SNX13: variants seen among roughly 807,000 people sequenced by gnomAD.
SNX13 encodes the protein sorting nexin 13.
A neutral mutation model predicts 133.6 loss-of-function variants in SNX13; 45 were observed. The ratio of observed to expected loss-of-function variants is 0.34; its 90% CI spans 0.27 to 0.43. The LOEUF (loss-of-function observed/expected upper bound fraction) is 0.43. SNX13 is among the 20% of genes least tolerant of loss of function. The pLI is 1.00. For synonymous variants in SNX13, 414 were observed against 373.9 expected (o/e 1.11, Z -1.24); for missense variants, 1,032 against 1,145.1 (o/e 0.90, Z 1.43).
At chr7:17,869,776 T>C (rs1203229179) in intron 8 of SNX13, among the ~76,000 whole-genome samples, 8 of 152,142 alleles carry the variant, frequency 5.3e-5, no homozygotes, top group Admixed American at 5.2e-4. Flanking sequence ...TTCTTCAAAA[T>C]TGTATTTACG....
chr7:17,796,978 AT>A lies in SNX13; in HGVS notation c.2514-40del, dbSNP rs781717399. On this transcript the variant is annotated intron_variant, in intron 24 of 25. Transcript: ENST00000428135. ...TTAAATACATTTTGTAAACATTTTC[AT>A]TTTCTAATGATACAAGTTGATAAAA... The A allele has an allele frequency of 4.4e-6, 6 of 1,369,806 alleles. No individual in the cohort carries two copies. The South Asian group carries it at 7.1e-5, about 16-fold the overall frequency. The allele number at this position is 1,369,806 out of a possible 1,614,324, so 84.9% of individuals were successfully genotyped here.
intron 5 of SNX13, among the ~76,000 whole-genome samples, chr7:17,883,477 C>A (rs1267505822): frequency 6.6e-6 from 1 of 152,124 alleles, no homozygotes; most frequent in Non-Finnish European, 1.5e-5. Context: ...AACATCTGGA[C>A]ATTTCTTCTA....
chr7:17,919,719 A>G lies in SNX13; in HGVS notation c.12+20565T>C, dbSNP rs1167333984. Among the ~76,000 whole-genome samples the G allele has an allele frequency of 2.0e-5, 3 of 152,234 alleles. No individual in the cohort carries two copies. The East Asian group carries it at 5.8e-4, about 29-fold the overall frequency. On this transcript the variant is annotated intron_variant, in intron 1 of 25. Transcript: ENST00000428135. The stretch of plus-strand genomic sequence containing the variant: ...AATGAAAGCAACTCAGGAGGAGGAA[A>G]GCGAAACAAGCATCATTTAACGTAA...
chr7:17,850,443 C>A lies in SNX13; in HGVS notation c.977-8G>T. 6.7e-7 allele frequency: 1 copy of A among 1,491,450 alleles called. No individual in the cohort carries two copies. Among genetic ancestry groups the A allele is most frequent in the South Asian group, 1.3e-5 (1 of 78,066 alleles). The allele number at this position is 1,491,450 out of a possible 1,614,324, so 92.4% of individuals were successfully genotyped here. On this transcript the variant is annotated splice_polypyrimidine_tract_variant and splice_region_variant and intron_variant, in intron 10 of 25. Transcript: ENST00000428135. The stretch of plus-strand genomic sequence containing the variant: ...TTTTGATAGTGTTGATATCTAAAAG[C>A]AAAGAAATCATGAACTAGAAAGTGG...
At chr7:17,878,553 T>TC (rs1444471164) in intron 5 of SNX13, among the ~76,000 whole-genome samples, 2 of 152,184 alleles carry the variant, frequency 1.3e-5, no homozygotes, top group Non-Finnish European at 2.9e-5. Flanking sequence ...TTGCATGCCT[T>TC]CATCTCTGTC....
intron 1 of SNX13, among the ~76,000 whole-genome samples, chr7:17,925,984 T>C (rs995372264): frequency 3.3e-5 from 5 of 152,220 alleles, no homozygotes; most frequent in African/African-American, 4.8e-5. Flanking sequence ...AACAATAATG[T>C]TGTGGTTATA....
intron 20 of SNX13, 50 bp downstream of exon 20, chr7:17,814,780 AAAGT>A: frequency 7.4e-7 from 1 of 1,344,450 alleles, no homozygotes; most frequent in Non-Finnish European, 9.9e-7. Context: ...TATTACAAAC[AAAGT>A]AAGAAAACAG....
At chr7:17,898,724 G>A (rs1162744856) in intron 1 of SNX13, 1 of 152,116 alleles carries the variant, frequency 6.6e-6, no homozygotes, top group East Asian at 1.9e-4. Context: ...AACTCTAAAT[G>A]ATTAGATGAC....
chr7:17,850,770 T>G, intron 10 of SNX13, 56 bp downstream of exon 10: 1 of 1,336,058 alleles, frequency 7.5e-7, no homozygotes, highest in South Asian at 1.6e-5. Flanking sequence ...AATCAAAGTT[T>G]TGAAGATAAA....
chr7:17,921,321 T>A (rs2128036177), intron 1 of SNX13, among the ~76,000 whole-genome samples: 1 of 152,290 alleles, frequency 6.6e-6, no homozygotes, highest in African/African-American at 2.4e-5. Flanking sequence ...TACATTCAGT[T>A]ATCGATTCTC....
intron 1 of SNX13, among the ~76,000 whole-genome samples, chr7:17,922,712 G>A (rs1269824736): frequency 6.6e-6 from 1 of 152,006 alleles, no homozygotes; most frequent in African/African-American, 2.4e-5. Flanking sequence ...AGAAAGAAAG[G>A]GAGAAGATTT....
intron 9 of SNX13, among the ~76,000 whole-genome samples, chr7:17,865,316 G>T (rs545610559): frequency 2.0e-5 from 3 of 151,900 alleles, no homozygotes; most frequent in Non-Finnish European, 1.5e-5. Context: ...GATACAAAAC[G>T]AACATACAAA....
At chr7:17,831,329 G>T in intron 15 of SNX13, 1 of 897,766 alleles carries the variant, frequency 1.1e-6, no homozygotes, top group African/African-American at 1.8e-5. Flanking sequence ...AAAAAGGAAA[G>T]CATAATTCAT....
At chr7:17,925,845 T>C (rs1236273414) in intron 1 of SNX13, among the ~76,000 whole-genome samples, 4 of 151,898 alleles carry the variant, frequency 2.6e-5, no homozygotes, top group African/African-American at 4.8e-5. Flanking sequence ...GGAGGAGGAA[T>C]AAAGGTATTC....
chr7:17,803,649 G>T (rs965040755), intron 20 of SNX13, 69 bp from the exon 21 acceptor site: 2 of 1,379,510 alleles, frequency 1.4e-6, no homozygotes, highest in African/African-American at 2.9e-5. Context: ...GACAAGCCTT[G>T]GAAAATATAG....
chr7:17,891,479 G>A (rs1796621245), intron 4 of SNX13, 67 bp downstream of exon 4: 6 of 1,133,594 alleles, frequency 5.3e-6, no homozygotes, highest in Non-Finnish European at 6.4e-6. Flanking sequence ...GTATTTCCTG[G>A]TATCTTCAAA....
Position 17,893,397 on chromosome 7 carries a change from A to T in SNX13, c.163T>A (p.Ser55Thr). The T allele has an allele frequency of 1.3e-6, 2 of 1,571,690 alleles. No individual in the cohort carries two copies. Among genetic ancestry groups the T allele is most frequent in the Non-Finnish European group, 1.7e-6 (2 of 1,156,750 alleles). The change falls in exon 3 of 26, where the codon TCA becomes ACA. Residue 55 changes from serine (S) to threonine (T), a missense_variant. Physicochemically the swap from Ser to Thr is moderately conservative, Grantham distance 58. Transcript: ENST00000428135. ...VVTLLFGKTN[S>T]EKYLEQCEHS... ...TCACACTGTTCTAGGTACTTCTCTG[A>T]GTTTGTTTTTCCAAACAGGAGAGTA... is the stretch of plus-strand genomic sequence containing the variant.
rs1423046340 is a variant in SNX13, at chr7:17,868,469, G to A, written c.775C>T (p.Leu259Phe). 2 of 1,607,996 alleles carry A rather than the reference G, an allele frequency of 1.2e-6. No homozygotes were observed. The highest frequency in any genetic ancestry group is 3.4e-5 in the Admixed American group (2 of 59,120). Residue 259 changes from leucine (L) to phenylalanine (F), a missense_variant, in exon 9 of 26, where the codon CTT becomes TTT. Coordinates refer to ENST00000428135, the MANE Select transcript of SNX13 (RefSeq NM_015132.5). ...FVREILARGI[L>F]LPLINQLSDP... ...CTGAGTTGATTTATTAATGGAAGAA[G>A]AATTCCTCGTGCAAGGATTTCCTGA...
intron 1 of SNX13, among the ~76,000 whole-genome samples, chr7:17,910,434 T>C (rs971909972): frequency 6.6e-5 from 10 of 152,284 alleles, no homozygotes; most frequent in Middle Eastern, 6.8e-3. Context: ...CTCAGCATGA[T>C]GGAGGACAAG....
Sources: allele counts gnomAD v4.1 joint callset (sites outside exome capture counted in the v4.1 genomes callset), GRCh38; gene constraint gnomAD v4.1.1; transcripts MANE v1.5; gene names NCBI Gene and HGNC (gene_info 2026-07-23, HGNC 2026-07-21).